PID1: variants seen among roughly 807,000 people sequenced by gnomAD.
PID1 encodes the protein PTB-containing, cubilin and LRP1-interacting protein.
A neutral mutation model predicts 19.1 loss-of-function variants in PID1; 10 were observed. The observed-to-expected ratio is 0.52, with a 90% confidence interval of 0.32 to 0.89. The LOEUF (loss-of-function observed/expected upper bound fraction) is 0.89, where lower values mean the gene tolerates loss of function less well. PID1 is among the 40% of genes least tolerant of loss of function. PID1 has a pLI of 0.03. For synonymous variants in PID1, 130 were observed against 116.0 expected (o/e 1.12, Z -0.78); for missense variants, 248 against 285.3 (o/e 0.87, Z 0.94).
intron 2 of PID1, among the ~76,000 whole-genome samples, chr2:229,147,426 A>G (rs947381863): frequency 2.0e-5 from 3 of 152,136 alleles, no homozygotes; most frequent in African/African-American, 7.2e-5. Context: ...TCAAAAGTGT[A>G]TCCCTAGTTT....
chr2:229,130,858 T>C (rs1209472064), intron 2 of PID1, among the ~76,000 whole-genome samples: 4 of 152,194 alleles, frequency 2.6e-5, no homozygotes, highest in African/African-American at 9.7e-5. Context: ...GCTCAAGGTG[T>C]TGGCAGGCCA....
In PID1 at chr2:229,048,040, T is replaced by A. The variant is rs978562034; in HGVS notation, c.178-21932A>T. Among the ~76,000 whole-genome samples, 8 of 152,328 alleles carry A rather than the reference T, an allele frequency of 5.3e-5. No homozygotes were observed. The East Asian group carries it at 1.5e-3, about 29-fold the overall frequency. On this transcript the variant is annotated intron_variant, in intron 2 of 2. Coordinates refer to ENST00000392055, the MANE Select transcript of PID1 (RefSeq NM_001100818.2). ...TGTCACTTCCACAGATTTTGCTTTT[T>A]AGGGTGAGCCTCAGAGTGGCAGATG...
intron 1 of PID1, among the ~76,000 whole-genome samples, chr2:229,259,938 A>G (rs1475917077): frequency 6.6e-6 from 1 of 152,112 alleles, no homozygotes; most frequent in African/African-American, 2.4e-5. Flanking sequence ...CAGACACTGA[A>G]TCTGCTGGCA....
At chr2:229,267,279 CACA>C (rs1690614851) in intron 1 of PID1, among the ~76,000 whole-genome samples, 1 of 152,104 alleles carries the variant, frequency 6.6e-6, no homozygotes, top group Non-Finnish European at 1.5e-5. Flanking sequence ...AGACATTGGC[CACA>C]ACGAGGATGA....
chr2:229,144,267 G>A (rs2106183959), intron 2 of PID1, among the ~76,000 whole-genome samples: 1 of 152,242 alleles, frequency 6.6e-6, no homozygotes, highest in East Asian at 1.9e-4. Context: ...GCAACAGAGA[G>A]AAGTCCCTAA....
intron 2 of PID1, among the ~76,000 whole-genome samples, chr2:229,062,876 T>G (rs932264303): frequency 6.6e-5 from 10 of 152,050 alleles, no homozygotes; most frequent in Non-Finnish European, 1.2e-4. Flanking sequence ...TAGGAATGTA[T>G]TCATTTCTTC....
chr2:229,040,301 C>T (rs1176563408), intron 2 of PID1, among the ~76,000 whole-genome samples: 2 of 150,100 alleles, frequency 1.3e-5, no homozygotes, highest in Admixed American at 6.7e-5. Flanking sequence ...GCCTGGGCAA[C>T]AAAGCAAGAC....
At chr2:229,118,836 A>T (rs762986302) in intron 2 of PID1, among the ~76,000 whole-genome samples, 1 of 152,230 alleles carries the variant, frequency 6.6e-6, no homozygotes, top group Non-Finnish European at 1.5e-5. Flanking sequence ...AGAGAAAAAA[A>T]ACAAAACAAA....
chr2:229,072,256 T>C lies in PID1; in HGVS notation c.178-46148A>G, dbSNP rs571957083. Reference sequence around the variant, plus strand: ...GGAGTTTTAAACTATCTAACAAGTTTTGCTATCATAATGTTAATATCAGGA... The same window carrying C: ...GGAGTTTTAAACTATCTAACAAGTTCTGCTATCATAATGTTAATATCAGGA... On this transcript the variant is annotated intron_variant, in intron 2 of 2. Coordinates refer to ENST00000392055, the MANE Select transcript of PID1 (RefSeq NM_001100818.2). Among the ~76,000 whole-genome samples the C allele has an allele frequency of 3.3e-5, 5 of 152,318 alleles. No homozygotes were observed. In the South Asian group the frequency reaches 1.0e-3, roughly 32 times the overall value.
At chr2:229,087,693 C>G (rs1162419398) in intron 2 of PID1, among the ~76,000 whole-genome samples, 1 of 152,192 alleles carries the variant, frequency 6.6e-6, no homozygotes, top group African/African-American at 2.4e-5. Context: ...ATACAACACA[C>G]ACAAGCTTTA....
At chr2:229,199,747 C>CAT (rs1229840287) in intron 1 of PID1, among the ~76,000 whole-genome samples, 1 of 106,472 alleles carries the variant, frequency 9.4e-6, no homozygotes, top group Non-Finnish European at 2.2e-5. Flanking sequence ...TATATATATA[C>CAT]ACATACACAC....
intron 2 of PID1, among the ~76,000 whole-genome samples, chr2:229,090,462 G>C (rs1694849196): frequency 6.6e-6 from 1 of 152,188 alleles, no homozygotes; most frequent in Non-Finnish European, 1.5e-5. Context: ...GGAAGGTCAT[G>C]AGAGTCAGGT....
intron 2 of PID1, among the ~76,000 whole-genome samples, chr2:229,119,343 C>A (rs184421841): frequency 6.6e-6 from 1 of 152,202 alleles, no homozygotes; most frequent in Admixed American, 6.5e-5. Flanking sequence ...AGATCCCCAT[C>A]GAAGTCTGTG....
intron 1 of PID1, among the ~76,000 whole-genome samples, chr2:229,184,992 T>TAC (rs398071518): frequency 1.1e-4 from 16 of 142,628 alleles, no homozygotes; most frequent in Admixed American, 1.1e-3. Flanking sequence ...ACTATATATA[T>TAC]CCCATATATA....
intron 2 of PID1, among the ~76,000 whole-genome samples, chr2:229,153,722 T>G (rs941643399): frequency 2.0e-5 from 3 of 152,180 alleles, no homozygotes; most frequent in Admixed American, 2.0e-4. Flanking sequence ...TAGCAAATAT[T>G]TTTCTCTCTC....
intron 1 of PID1, among the ~76,000 whole-genome samples, chr2:229,216,911 A>T (rs1440423756): frequency 1.3e-5 from 2 of 152,234 alleles, no homozygotes; most frequent in African/African-American, 4.8e-5. Context: ...GCAAAGGAGA[A>T]GGAAGATTTC....
chr2:229,029,890 T>A (rs560408368), intron 2 of PID1, among the ~76,000 whole-genome samples: 30 of 151,912 alleles, frequency 2.0e-4, no homozygotes, highest in Non-Finnish European at 3.4e-4. Context: ...ACTCTGTAGT[T>A]CCACTTCTGG....
At chr2:229,083,880 A>G (rs1694714074) in intron 2 of PID1, among the ~76,000 whole-genome samples, 1 of 152,238 alleles carries the variant, frequency 6.6e-6, no homozygotes, top group South Asian at 2.1e-4. Flanking sequence ...CATGACAGAA[A>G]GATGTAAAGG....
chr2:229,042,529 C>T lies in PID1; in HGVS notation c.178-16421G>A, dbSNP rs1031320777. 3.9e-5 allele frequency among the ~76,000 whole-genome samples: 6 copies of T among 152,166 alleles called. No homozygotes were observed. In the East Asian group the frequency reaches 9.6e-4, roughly 24 times the overall value. ...ATCAATCTATTTTAGTGACATGTGA[C>T]AAATTCTACTCTGACCGTCCTGGAG... On this transcript the variant is annotated intron_variant, in intron 2 of 2. Coordinates refer to ENST00000392055, the MANE Select transcript of PID1 (RefSeq NM_001100818.2).
Sources: gnomAD v4.1 joint callset for allele counts (sites outside exome capture counted in the v4.1 genomes callset) on GRCh38, gnomAD v4.1.1 for gene constraint, MANE v1.5 for transcripts, NCBI Gene and HGNC (gene_info 2026-07-23, HGNC 2026-07-21) for gene names.